Variants in PCDH9 observed in about 807,000 individuals in gnomAD.
PCDH9 encodes protocadherin-9.
A neutral mutation model predicts 70.6 loss-of-function variants in PCDH9; 24 were observed. That is an observed-to-expected ratio of 0.34 (90% CI 0.25 to 0.48). The LOEUF is 0.48. PCDH9 is among the 20% of genes least tolerant of loss of function. The probability of loss-of-function intolerance (pLI) is 0.99; values close to 1 mark genes in which losing one functional copy is unlikely to be tolerated. For missense variants in PCDH9, 1,281 were observed against 1,503.6 expected (o/e 0.85, Z 2.45); for synonymous variants, 562 against 558.5 (o/e 1.01, Z -0.09).
intron 2 of PCDH9, among the ~76,000 whole-genome samples, chr13:67,157,737 T>G (rs186834831): frequency 2.0e-5 from 3 of 152,216 alleles, no homozygotes; most frequent in African/African-American, 7.2e-5. Context: ...CCAAAATACT[T>G]ATTAAATATA....
At chr13:66,712,665 T>G (rs2078811052) in intron 3 of PCDH9, among the ~76,000 whole-genome samples, 1 of 152,194 alleles carries the variant, frequency 6.6e-6, no homozygotes, top group South Asian at 2.1e-4. Flanking sequence ...GAAATTATAC[T>G]GTCAGGTGAT....
intron 2 of PCDH9, among the ~76,000 whole-genome samples, chr13:66,983,052 G>T (rs2139777595): frequency 6.6e-6 from 1 of 152,136 alleles, no homozygotes; most frequent in South Asian, 2.1e-4. Context: ...CACCTATAGG[G>T]GAGTCCCACT....
At chr13:67,004,316 A>T (rs973501054) in intron 2 of PCDH9, among the ~76,000 whole-genome samples, 6 of 151,654 alleles carry the variant, frequency 4.0e-5, no homozygotes, top group African/African-American at 1.5e-4. Flanking sequence ...CGCACCTGTA[A>T]TCCCAGCATT....
chr13:67,214,394 A>G (rs544472633), intron 2 of PCDH9: 17 of 152,180 alleles, frequency 1.1e-4, no homozygotes, highest in Admixed American at 7.9e-4. Context: ...CAGGTTTCAA[A>G]TGATTCCAGC....
chr13:66,801,945 A>C (rs1285448642), intron 3 of PCDH9, among the ~76,000 whole-genome samples: 1 of 152,036 alleles, frequency 6.6e-6, no homozygotes, highest in Admixed American at 6.6e-5. Flanking sequence ...TGTATATATT[A>C]ATGTGTATGT....
At chr13:67,142,998 G>A (rs1295890975) in intron 2 of PCDH9, among the ~76,000 whole-genome samples, 1 of 151,704 alleles carries the variant, frequency 6.6e-6, no homozygotes, top group African/African-American at 2.4e-5. Flanking sequence ...AACAGAGCTA[G>A]ACTACGTATC....
intron 3 of PCDH9, among the ~76,000 whole-genome samples, chr13:66,843,707 G>T (rs1454372035): frequency 6.6e-6 from 1 of 152,208 alleles, no homozygotes; most frequent in East Asian, 1.9e-4. Context: ...CTCTGGAGAA[G>T]ACTGCATGCT....
At chr13:66,439,474 T>C (rs1288796141) in intron 4 of PCDH9, among the ~76,000 whole-genome samples, 1 of 152,206 alleles carries the variant, frequency 6.6e-6, no homozygotes, top group Non-Finnish European at 1.5e-5. Context: ...CTATTCAAGA[T>C]GATGGATATG....
At chr13:66,450,843 T>A (rs577591190) in intron 4 of PCDH9, among the ~76,000 whole-genome samples, 1 of 152,026 alleles carries the variant, frequency 6.6e-6, no homozygotes, top group Non-Finnish European at 1.5e-5. Flanking sequence ...GTGAAACCCC[T>A]TCTCTACTAA....
intron 4 of PCDH9, among the ~76,000 whole-genome samples, chr13:66,586,536 C>T (rs977097362): frequency 6.6e-6 from 1 of 152,120 alleles, no homozygotes; most frequent in African/African-American, 2.4e-5. Context: ...CTAGCCCAGG[C>T]TGCTTGGTAC....
At chr13:67,134,397 T>C (rs945427213) in intron 2 of PCDH9, among the ~76,000 whole-genome samples, 7 of 152,088 alleles carry the variant, frequency 4.6e-5, no homozygotes, top group African/African-American at 1.4e-4. Context: ...GCAGTTCTTT[T>C]TGGCACTCTA....
intron 3 of PCDH9, among the ~76,000 whole-genome samples, chr13:66,697,971 C>A (rs1318225577): frequency 6.6e-6 from 1 of 152,028 alleles, no homozygotes; most frequent in African/African-American, 2.4e-5. Context: ...CTGATGCATG[C>A]TGTTATATGG....
At chr13:66,809,161 G>A (rs2080458828) in intron 3 of PCDH9, among the ~76,000 whole-genome samples, 1 of 152,084 alleles carries the variant, frequency 6.6e-6, no homozygotes, top group African/African-American at 2.4e-5. Context: ...TGTTAGCCAG[G>A]ATGGTCTTGA....
chr13:67,173,214 T>G (rs900515424), intron 2 of PCDH9, among the ~76,000 whole-genome samples: 1 of 152,138 alleles, frequency 6.6e-6, no homozygotes, highest in African/African-American at 2.4e-5. Flanking sequence ...TTATCCACAT[T>G]AAGATAATTT....
intron 2 of PCDH9, among the ~76,000 whole-genome samples, chr13:67,193,892 T>C (rs1291412106): frequency 6.6e-6 from 1 of 152,100 alleles, no homozygotes; most frequent in Non-Finnish European, 1.5e-5. Flanking sequence ...GATTTTATTA[T>C]ACAAACGAGG....
chr13:66,479,426 CT>C (rs1490278621), intron 4 of PCDH9, among the ~76,000 whole-genome samples: 1 of 152,198 alleles, frequency 6.6e-6, no homozygotes, highest in East Asian at 1.9e-4. Flanking sequence ...AGTGATTCCT[CT>C]GATGGATCTG....
intron 4 of PCDH9, among the ~76,000 whole-genome samples, chr13:66,397,122 A>G (rs149011173): frequency 3.3e-5 from 5 of 152,240 alleles, no homozygotes; most frequent in Non-Finnish European, 7.4e-5. Context: ...AACAAACCAT[A>G]AAAATATTAT....
chr13:66,671,359 C>T (rs368138727), intron 3 of PCDH9, among the ~76,000 whole-genome samples: 4 of 152,208 alleles, frequency 2.6e-5, no homozygotes, highest in Admixed American at 6.5e-5. Flanking sequence ...GACACTGGAA[C>T]TGGGTAACAG....
At chr13:67,191,544 C>G (rs1168173175) in intron 2 of PCDH9, among the ~76,000 whole-genome samples, 1 of 152,056 alleles carries the variant, frequency 6.6e-6, no homozygotes, top group Non-Finnish European at 1.5e-5. Context: ...AACACATTCT[C>G]ACATTTCAGT....
Sources: allele counts gnomAD v4.1 joint callset (sites outside exome capture counted in the v4.1 genomes callset), GRCh38; gene constraint gnomAD v4.1.1; transcripts MANE v1.5; gene names NCBI Gene and HGNC (gene_info 2026-07-23, HGNC 2026-07-21).